CCDC38: variants seen among roughly 807,000 people sequenced by gnomAD.
The protein encoded by CCDC38 is coiled-coil domain-containing protein 38.
In CCDC38, 69 loss-of-function variants were observed where a neutral mutation model predicts 72.8. That is an observed-to-expected ratio of 0.95 (90% CI 0.78 to 1.16). CCDC38 has a LOEUF of 1.16. Ranked by LOEUF, CCDC38 falls within the 50% of genes most tolerant of loss-of-function variation. The pLI is 0.00. For synonymous variants in CCDC38, 201 were observed against 213.2 expected, an observed-to-expected ratio of 0.94 and a Z score of 0.50; for missense variants, 626 against 638.9, an observed-to-expected ratio of 0.98 and a Z score of 0.22.
At chr12:95,929,464 G>T (rs569596687) in intron 2 of CCDC38, among the ~76,000 whole-genome samples, 104 of 152,252 alleles carry the variant, frequency 6.8e-4, no homozygotes, top group African/African-American at 2.3e-3. Context: ...AGATGAACCC[G>T]GTACCTCAGA....
chr12:95,897,610 CAAAAAA>C (rs370408931), intron 7 of CCDC38, among the ~76,000 whole-genome samples: 2 of 75,354 alleles, frequency 2.7e-5, no homozygotes, highest in African/African-American at 9.0e-5. Context: ...AACTCCCTCT[CAAAAAA>C]AAAAAAAAAA....
chr12:95,869,653 C>G, intron 14 of CCDC38, 80 bp from the exon 15 acceptor site: 1 of 1,040,142 alleles, frequency 9.6e-7, no homozygotes. Flanking sequence ...TGTTAATGAG[C>G]CATGTGACTA....
intron 1 of CCDC38, among the ~76,000 whole-genome samples, chr12:95,941,667 A>C (rs1440871838): frequency 6.6e-6 from 1 of 152,240 alleles, no homozygotes; most frequent in Non-Finnish European, 1.5e-5. Context: ...GAAATTTTAT[A>C]ATAGAAAATT....
chr12:95,926,160 C>T (rs1479620270), intron 2 of CCDC38, among the ~76,000 whole-genome samples: 1 of 145,722 alleles, frequency 6.9e-6, no homozygotes, highest in Admixed American at 6.9e-5. Context: ...GGCTGTGAAT[C>T]CATCTGGTCC....
intron 4 of CCDC38, among the ~76,000 whole-genome samples, chr12:95,908,071 A>G (rs1475282277): frequency 6.6e-6 from 1 of 152,148 alleles, no homozygotes; most frequent in Admixed American, 6.5e-5. Flanking sequence ...GCGGCTGGGC[A>G]GAGGCTGCAA....
rs187415361 is a variant in CCDC38 at position 95,882,296 on chromosome 12, A to T, written c.921-742T>A. Among the ~76,000 whole-genome samples, 10 of 152,264 alleles carry T rather than the reference A, an allele frequency of 6.6e-5. No individual in the cohort carries two copies. In the East Asian group the frequency reaches 1.9e-3, roughly 29 times the overall value. ...TGGGGAGGGAGGAGAATTTAGAGAT[A>T]TATGGAAGAATGAAATCATGGGAAC... On this transcript the variant is annotated intron_variant, in intron 10 of 15. Coordinates refer to ENST00000344280, the MANE Select transcript of CCDC38 (RefSeq NM_182496.3).
Position 95,898,466 on chromosome 12 carries a change from C to T in CCDC38, c.534-1G>A. The T allele has an allele frequency of 6.2e-7, 1 of 1,614,074 alleles. No individual in the cohort carries two copies. The highest frequency in any genetic ancestry group is 1.1e-5 in the South Asian group (1 of 91,084). ...TTTGTTTATTGTTTCCTGTGCTGCC[C>T]TGAAAAGCAATGAAGATCTGTTAAT... On this transcript the variant is annotated splice_acceptor_variant, in intron 6 of 15. Transcript: ENST00000344280. LOFTEE classifies it high-confidence loss of function.
intron 14 of CCDC38, among the ~76,000 whole-genome samples, chr12:95,871,758 C>T (rs1198990198): frequency 6.6e-6 from 1 of 151,938 alleles, no homozygotes; most frequent in Non-Finnish European, 1.5e-5. Context: ...TCAAACAATT[C>T]CTTCATTAGG....
intron 1 of CCDC38, among the ~76,000 whole-genome samples, chr12:95,937,570 A>G (rs1370282433): frequency 6.6e-6 from 1 of 152,222 alleles, no homozygotes; most frequent in Admixed American, 6.5e-5. Flanking sequence ...AGGAGTTTAT[A>G]TTTAAAAATG....
At chr12:95,907,474 C>A (rs1233491692) in intron 4 of CCDC38, among the ~76,000 whole-genome samples, 1 of 118,228 alleles carries the variant, frequency 8.5e-6, no homozygotes, top group Non-Finnish European at 1.7e-5. Context: ...ACCTCCCTCC[C>A]GGATGGGGCG....
intron 10 of CCDC38, among the ~76,000 whole-genome samples, chr12:95,883,182 A>G (rs10777749): frequency 0.69 from 104,659 of 152,048 alleles, 36,715 homozygotes; most frequent in Non-Finnish European, 0.75. Context: ...GTGACAATAG[A>G]CTCCTAACTG....
intron 2 of CCDC38, among the ~76,000 whole-genome samples, chr12:95,926,386 T>C (rs1276181313): frequency 6.6e-6 from 1 of 151,990 alleles, no homozygotes; most frequent in Non-Finnish European, 1.5e-5. Flanking sequence ...TCGGTGGTGA[T>C]ATCCCCTTTA....
At chr12:95,916,586 C>T (rs118167398) in intron 4 of CCDC38, among the ~76,000 whole-genome samples, 1 of 151,744 alleles carries the variant, frequency 6.6e-6, no homozygotes, top group Non-Finnish European at 1.5e-5. Context: ...AGTAGGATAC[C>T]CCCTACTTGT....
In CCDC38 at chr12:95,884,371, A is replaced by G. The variant is rs148787837; in HGVS notation, c.921-2817T>C. Among the ~76,000 whole-genome samples, 890 of 152,386 alleles carry G rather than the reference A, an allele frequency of 5.8e-3. 6 individuals carry two copies. The highest frequency in any genetic ancestry group is 0.02 in the African/African-American group (837 of 41,596). ...AAAAATATTTTGCTATAAATCTAAC[A>G]AAACATGTATAGGATTTGTAAGCTG... On this transcript the variant is annotated intron_variant, in intron 10 of 15. Transcript: ENST00000344280.
chr12:95,870,494 C>T (rs947137648), intron 14 of CCDC38, among the ~76,000 whole-genome samples: 4 of 152,086 alleles, frequency 2.6e-5, no homozygotes, highest in Admixed American at 1.3e-4. Context: ...AATTAGGTGC[C>T]GTGTTAGGTG....
At chr12:95,892,584 T>TA (rs2079840507) in intron 8 of CCDC38, among the ~76,000 whole-genome samples, 1 of 94,308 alleles carries the variant, frequency 1.1e-5, no homozygotes, top group African/African-American at 8.7e-5. Context: ...GCTTAAATTC[T>TA]TTTTTTTTTT....
intron 2 of CCDC38, among the ~76,000 whole-genome samples, chr12:95,921,128 CA>C (rs71307534): frequency 8.9e-4 from 115 of 129,322 alleles, no homozygotes; most frequent in Admixed American, 1.1e-3. Flanking sequence ...AACTCCATCT[CA>C]AAAAAAAAAA....
chr12:95,939,992 T>C (rs2080431987), intron 1 of CCDC38, among the ~76,000 whole-genome samples: 1 of 152,206 alleles, frequency 6.6e-6, no homozygotes, highest in Admixed American at 6.5e-5. Context: ...TTCTATCAAG[T>C]ATGAATAATA....
intron 5 of CCDC38, 138 bp downstream of exon 5, chr12:95,906,249 G>T: frequency 1.6e-6 from 1 of 622,880 alleles, no homozygotes; most frequent in Non-Finnish European, 2.9e-6. Context: ...TCAAATTAAT[G>T]AACACGTGAA....
Sources: allele counts gnomAD v4.1 joint callset (sites outside exome capture counted in the v4.1 genomes callset), GRCh38; gene constraint gnomAD v4.1.1; transcripts MANE v1.5; gene names NCBI Gene and HGNC (gene_info 2026-07-23, HGNC 2026-07-21).